The following CHEK1 variants were observed in gnomAD, a reference collection of about 807,000 sequenced individuals.
CHEK1 encodes serine/threonine-protein kinase Chk1.
A neutral mutation model predicts 60.2 loss-of-function variants in CHEK1; 32 were observed. That is an observed-to-expected ratio of 0.53 (90% CI 0.40 to 0.71). The LOEUF (loss-of-function observed/expected upper bound fraction) is 0.71. Ranked by LOEUF, CHEK1 falls within the 30% of genes least tolerant of loss-of-function variation. CHEK1 has a pLI of 0.00. For missense variants in CHEK1, 399 were observed against 564.6 expected, an observed-to-expected ratio of 0.71 and a Z score of 2.97; for synonymous variants, 179 against 187.2, an observed-to-expected ratio of 0.96 and a Z score of 0.36.
rs1024610198 is a variant in CHEK1, at chr11:125,635,599, T to C, written c.718+66T>C. The C allele has an allele frequency of 5.8e-5, 61 of 1,060,238 alleles. 1 individual carries two copies. The African/African-American group carries it at 9.1e-4, about 16-fold the overall frequency. The allele number at this position is 1,060,238 out of a possible 1,614,324, so 65.7% of individuals were successfully genotyped here. ...GATATGAAGTCTTGTGCTATTTGAA[T>C]TTTTTCTTACTTTTTTTTTTGTTTT... On this transcript the variant is annotated intron_variant, in intron 7 of 12. Coordinates refer to ENST00000438015, the MANE Select transcript of CHEK1 (RefSeq NM_001114122.3).
downstream of CHEK1, among the ~76,000 whole-genome samples, chr11:125,657,482 T>C (rs113691482): frequency 2.0e-5 from 3 of 152,144 alleles, no homozygotes; most frequent in Non-Finnish European, 2.9e-5. Flanking sequence ...CCAGAAATAA[T>C]CACAAAATAG....
At chr11:125,636,219 C>G (rs1310559629) in intron 7 of CHEK1, 1 of 152,108 alleles carries the variant, frequency 6.6e-6, no homozygotes, top group African/African-American at 2.4e-5. Flanking sequence ...AATGAGATCA[C>G]ACTAATAATA....
chr11:125,664,474 AT>A (rs1403670841), intron 13 of CHEK1, among the ~76,000 whole-genome samples: 1 of 152,038 alleles, frequency 6.6e-6, no homozygotes, highest in Non-Finnish European at 1.5e-5. Flanking sequence ...ACCTCAAGTG[AT>A]CCACCCATCT....
At chr11:125,650,460 T>TTTG (rs1243957954) in intron 11 of CHEK1, among the ~76,000 whole-genome samples, 1 of 138,162 alleles carries the variant, frequency 7.2e-6, no homozygotes, top group Non-Finnish European at 1.6e-5. Context: ...TGGTGTTTGT[T>TTTG]TTTTTTTTTT....
chr11:125,669,052 T>A (rs1025457485), intron 13 of CHEK1, among the ~76,000 whole-genome samples: 1 of 151,858 alleles, frequency 6.6e-6, no homozygotes, highest in African/African-American at 2.4e-5. Flanking sequence ...CTACTTACAT[T>A]AAAAAAAAGT....
downstream of CHEK1, among the ~76,000 whole-genome samples, chr11:125,676,728 A>G (rs1942529524): frequency 2.6e-5 from 4 of 152,110 alleles, no homozygotes; most frequent in South Asian, 6.2e-4. Context: ...ACTCCAGTCC[A>G]TATCTGCATT....
chr11:125,678,109 C>T, downstream of CHEK1: 1 of 1,614,176 alleles, frequency 6.2e-7, no homozygotes, highest in Non-Finnish European at 8.5e-7. Flanking sequence ...GTGTGCTCGG[C>T]CACAGTGTGC....
At chr11:125,680,638 G>A (rs1591441126), downstream of CHEK1, 6 of 1,187,110 alleles carry the variant, frequency 5.1e-6, no homozygotes, top group East Asian at 9.6e-5. Context: ...TGGTTTGGGT[G>A]ACTGAGAGAC....
chr11:125,638,673 T>C (rs941818690), intron 8 of CHEK1, among the ~76,000 whole-genome samples: 1 of 152,166 alleles, frequency 6.6e-6, no homozygotes, highest in Non-Finnish European at 1.5e-5. Flanking sequence ...ATGGTACAGG[T>C]GTCCTCCTTA....
At position 125,627,713 on chromosome 11, in the gene CHEK1, A is replaced by G; in HGVS notation, c.172A>G (p.Ile58Val). 1 of 1,613,780 alleles carries G rather than the reference A, an allele frequency of 6.2e-7. No individual in the cohort carries two copies. The highest frequency in any genetic ancestry group is 1.1e-5 in the South Asian group (1 of 91,070). Residue 58 changes from isoleucine (I) to valine (V), a missense_variant, in exon 3 of 13, where the codon ATC (isoleucine) becomes GTC (valine). Ile to Val is a conservative substitution (Grantham distance 29). Around this residue, in one of 2 missense-constraint regions of CHEK1, gnomAD observed 370 missense variants for 494.8 expected, o/e 0.75. Coordinates refer to ENST00000438015, the MANE Select transcript of CHEK1 (RefSeq NM_001114122.3). ...CPENIKKEIC[I>V]NKMLNHENVV... ...AGAAAATATTAAGAAAGAGATCTGT[A>G]TCAATAAAATGCTAAATCATGAAAA...
chr11:125,633,030 T>C, intron 5 of CHEK1, 133 bp from the exon 6 acceptor site: 1 of 687,182 alleles, frequency 1.5e-6, no homozygotes, highest in Non-Finnish European at 2.3e-6. Context: ...TTGTCTATTT[T>C]GCTTATTTTA....
chr11:125,670,748 G>T (rs979857810), intron 13 of CHEK1, among the ~76,000 whole-genome samples: 2 of 152,164 alleles, frequency 1.3e-5, no homozygotes, highest in East Asian at 3.9e-4. Context: ...TTGCCAGCCT[G>T]TGATGCATGG....
rs2553835 is a variant in CHEK1, at chr11:125,653,685, T to C, written c.1234-61T>C. 3 of 787,860 alleles carry C rather than the reference T, an allele frequency of 3.8e-6. No individual in the cohort carries two copies. The highest frequency in any genetic ancestry group is 3.6e-5 in the African/African-American group (2 of 55,558). The allele number at this position is 787,860 out of a possible 1,614,324, so 48.8% of individuals were successfully genotyped here. ...GAAACTTCTATTCTGTTCTTCATAG[T>C]GGGTTTACTAGTTTATTATCTACTC... On this transcript the variant is annotated intron_variant, in intron 11 of 12. Transcript: ENST00000438015. The surrounding 1 kb of genome is among the most constrained non-coding windows in gnomAD (Gnocchi z 4.3).
At chr11:125,644,760 G>T in intron 11 of CHEK1, 117 bp downstream of exon 11, 1 of 1,190,624 alleles carries the variant, frequency 8.4e-7, no homozygotes, top group Non-Finnish European at 1.1e-6. Flanking sequence ...TGTAATCCCA[G>T]CTTTTTGGGA....
chr11:125,647,346 T>A (rs1941541640), intron 11 of CHEK1, among the ~76,000 whole-genome samples: 1 of 152,102 alleles, frequency 6.6e-6, no homozygotes, highest in Admixed American at 6.6e-5. Flanking sequence ...TTTTCCTTTT[T>A]TTTTTCTTCC....
chr11:125,642,072 C>G (rs1163704418), intron 8 of CHEK1, among the ~76,000 whole-genome samples: 1 of 152,188 alleles, frequency 6.6e-6, no homozygotes, highest in African/African-American at 2.4e-5. Context: ...AGGCACACTT[C>G]TACCTCACTG....
rs1941871358 is a variant in CHEK1, at chr11:125,655,269, G to A, written c.1380G>A (p.Gly460=). 1.2e-6 allele frequency: 2 copies of A among 1,613,778 alleles called. No homozygotes were observed. The highest frequency in any genetic ancestry group is 1.7e-6 in the Non-Finnish European group (2 of 1,179,708). ...AGAGACACTTCCTGAAGATTAAAGG[G>A]AAGCTGATTGATATTGTGAGCAGCC... ...EFKRHFLKIK[G]KLIDIVSSQK... The change falls in exon 13 of 13, where the codon GGG becomes GGA. Residue 460 remains glycine, a synonymous_variant. Coordinates refer to ENST00000438015, the MANE Select transcript of CHEK1 (RefSeq NM_001114122.3).
chr11:125,645,777 A>G (rs945543684), intron 11 of CHEK1, among the ~76,000 whole-genome samples: 4 of 152,200 alleles, frequency 2.6e-5, no homozygotes, highest in African/African-American at 9.7e-5. Flanking sequence ...GCCAATAAAC[A>G]CACACATATC....
In CHEK1 at chr11:125,637,441, G is replaced by A. The variant is rs1190706910; in HGVS notation, c.719-8G>A. Reference sequence around the variant, plus strand: ...TTTCGTGAATGTTGTCGTAATGTTTGTTTTTAGCTCTGCTGCATAAAATCT... The same window carrying A: ...TTTCGTGAATGTTGTCGTAATGTTTATTTTTAGCTCTGCTGCATAAAATCT... On this transcript the variant is annotated splice_region_variant and splice_polypyrimidine_tract_variant and intron_variant, in intron 7 of 12. Coordinates refer to ENST00000438015, the MANE Select transcript of CHEK1 (RefSeq NM_001114122.3). 1 of 1,596,974 alleles carries A rather than the reference G, an allele frequency of 6.3e-7. No individual in the cohort carries two copies.
Sources: gnomAD v4.1 joint callset for allele counts (sites outside exome capture counted in the v4.1 genomes callset) on GRCh38, gnomAD v4.1.1 for gene constraint, gnomAD v4.1.1 regional missense constraint, Gnocchi (gnomAD v3.1) non-coding constraint, MANE v1.5 for transcripts, NCBI Gene and HGNC (gene_info 2026-07-23, HGNC 2026-07-21) for gene names.